Variants in ABCA6 observed in about 807,000 individuals in gnomAD.
The protein encoded by ABCA6 is ATP-binding cassette sub-family A member 6.
In ABCA6, 164 loss-of-function variants were observed where a neutral mutation model predicts 191.2. The ratio of observed to expected loss-of-function variants is 0.86; its 90% CI spans 0.76 to 0.98. ABCA6 has a LOEUF of 0.98. Ranked by LOEUF, ABCA6 falls within the 50% of genes least tolerant of loss-of-function variation. ABCA6 has a pLI of 0.00. For synonymous variants in ABCA6, 636 were observed against 647.7 expected, an observed-to-expected ratio of 0.98 and a Z score of 0.27; for missense variants, 1,958 against 1,894.1, an observed-to-expected ratio of 1.03 and a Z score of -0.63.
rs775483002 is a variant in ABCA6, at chr17:69,113,600, A to G, written c.1902+18T>C. 46 of 1,612,520 alleles carry G rather than the reference A, an allele frequency of 2.9e-5. No homozygotes were observed. The highest frequency in any genetic ancestry group is 1.8e-5 in the Non-Finnish European group (21 of 1,179,150). Reference sequence around the variant, plus strand: ...AGACATTCGACCTGCTTCCTTCCCCATGCATAATCTCACTTACTTGAGGAT... The same window carrying G: ...AGACATTCGACCTGCTTCCTTCCCCGTGCATAATCTCACTTACTTGAGGAT... On this transcript the variant is annotated intron_variant, in intron 14 of 38. Coordinates refer to ENST00000284425, the MANE Select transcript of ABCA6 (RefSeq NM_080284.3).
At chr17:69,103,817 G>C (rs2286419) in intron 20 of ABCA6, 4 of 151,974 alleles carry the variant, frequency 2.6e-5, no homozygotes, top group Admixed American at 6.6e-5. Flanking sequence ...TTTACTTACT[G>C]AGAGACCTTA....
intron 6 of ABCA6, among the ~76,000 whole-genome samples, chr17:69,133,252 C>A (rs2144715488): frequency 6.6e-6 from 1 of 152,306 alleles, no homozygotes. Flanking sequence ...CTGGAGAAAT[C>A]AACTGTTAAC....
intron 10 of ABCA6, among the ~76,000 whole-genome samples, chr17:69,121,926 C>T (rs2073654637): frequency 6.6e-6 from 1 of 151,892 alleles, no homozygotes; most frequent in African/African-American, 2.4e-5. Flanking sequence ...CGCTGTTGCC[C>T]CTCTCAGAAA....
intron 21 of ABCA6, 24 bp from the exon 22 acceptor site, chr17:69,100,958 A>T (rs1240851604): frequency 1.9e-6 from 3 of 1,544,496 alleles, no homozygotes; most frequent in Admixed American, 3.7e-5. Flanking sequence ...CAAATAAATA[A>T]TGTTAATGCT....
At chr17:69,089,564 C>T (rs781757967) in intron 26 of ABCA6, 22 bp from the exon 27 acceptor site, 1 of 1,562,104 alleles carries the variant, frequency 6.4e-7, no homozygotes, top group Non-Finnish European at 8.8e-7. Flanking sequence ...AAACAAAACA[C>T]ACACACACTA....
chr17:69,123,000 C>A lies in ABCA6; in HGVS notation c.1436+239G>T, dbSNP rs1216633788. Among the ~76,000 whole-genome samples, 3 of 140,220 alleles carry A rather than the reference C, an allele frequency of 2.1e-5. No individual in the cohort carries two copies. In the South Asian group the frequency reaches 7.0e-4, roughly 33 times the overall value. 92.0% of individuals were successfully genotyped at this position (140,220 alleles called of 152,430 possible). On this transcript the variant is annotated intron_variant, in intron 10 of 38. Coordinates refer to ENST00000284425, the MANE Select transcript of ABCA6 (RefSeq NM_080284.3). ...GACACAGGAAGGGGAACATCACACACCAGGGACTGTTCTGGGGTAGGGGGA... is the reference window on the plus strand; with the variant it reads ...GACACAGGAAGGGGAACATCACACAACAGGGACTGTTCTGGGGTAGGGGGA...
At chr17:69,102,670 A>C (rs1158778789) in intron 21 of ABCA6, among the ~76,000 whole-genome samples, 165 bp downstream of exon 21, 1 of 152,202 alleles carries the variant, frequency 6.6e-6, no homozygotes, top group Non-Finnish European at 1.5e-5. Context: ...CTAAGATAGA[A>C]AATGTTTTAC....
chr17:69,097,373 A>C (rs963195715), intron 23 of ABCA6, among the ~76,000 whole-genome samples: 1 of 150,430 alleles, frequency 6.6e-6, no homozygotes, highest in Non-Finnish European at 1.5e-5. Context: ...CCTGGGCAAC[A>C]GAGTGAGACT....
intron 27 of ABCA6, 75 bp from the exon 28 acceptor site, chr17:69,088,333 G>A (rs1257249810): frequency 5.9e-6 from 7 of 1,195,378 alleles, no homozygotes; most frequent in Middle Eastern, 2.4e-4. Context: ...TTAAGTTGGT[G>A]GTGTTTTGTC....
chr17:69,088,829 T>C (rs927555986), intron 27 of ABCA6, among the ~76,000 whole-genome samples: 1 of 152,198 alleles, frequency 6.6e-6, no homozygotes, highest in Non-Finnish European at 1.5e-5. Context: ...TATCACTCTC[T>C]TCCTTGGTCA....
intron 13 of ABCA6, among the ~76,000 whole-genome samples, chr17:69,114,176 A>G (rs1029173672): frequency 2.0e-5 from 3 of 152,160 alleles, no homozygotes; most frequent in Admixed American, 6.5e-5. Flanking sequence ...ATGTCCAACA[A>G]TGATAGACTG....
intron 30 of ABCA6, among the ~76,000 whole-genome samples, 170 bp downstream of exon 30, chr17:69,086,448 T>C (rs903333981): frequency 6.7e-6 from 1 of 148,852 alleles, no homozygotes; most frequent in East Asian, 2.1e-4. Flanking sequence ...GGCTTCATAA[T>C]TGTATTTCCA....
chr17:69,126,722 C>G (rs903805692), intron 8 of ABCA6, among the ~76,000 whole-genome samples: 1 of 152,002 alleles, frequency 6.6e-6, no homozygotes, highest in African/African-American at 2.4e-5. Context: ...ATATTATGTT[C>G]ATGGCTGAAA....
Position 69,105,570 on chromosome 17 carries a change from T to G in ABCA6, c.2632A>C (p.Met878Leu). 1 of 1,572,510 alleles carries G rather than the reference T, an allele frequency of 6.4e-7. No homozygotes were observed. Among genetic ancestry groups the G allele is most frequent in the African/African-American group, 1.3e-5 (1 of 74,616 alleles). ...TCCCAATCGATCTTTTCATTTAACA[T>G]AGCATACATTATATTTTCAACAATC... ...PLIVENIMYA[M>L]LNEKIDWEFK... is the part of the protein sequence containing the mutation. Residue 878 changes from methionine to leucine, a missense_variant, in exon 20 of 39, where the codon ATG becomes CTG. Coordinates refer to ENST00000284425, the MANE Select transcript of ABCA6 (RefSeq NM_080284.3).
In ABCA6 at chr17:69,140,878, C is replaced by T. The variant is rs1598073473; in HGVS notation, c.-45-130G>A. ...AATTTATGACTGTAAAATTTCACCT[C>T]AAATATTTCACCTTAAGCTTTTTAG... On this transcript the variant is annotated intron_variant, in intron 1 of 38. Coordinates refer to ENST00000284425, the MANE Select transcript of ABCA6 (RefSeq NM_080284.3). The T allele has an allele frequency of 2.0e-5, 8 of 391,804 alleles. No homozygotes were observed. In the East Asian group the frequency reaches 3.1e-4, roughly 15 times the overall value. The allele number at this position is 391,804 out of a possible 1,614,324, so 24.3% of individuals were successfully genotyped here. A position where few individuals can be genotyped will look rare whatever the true frequency, so the allele number is the denominator to read the frequency against.
At chr17:69,138,449 T>C (rs1341655189) in intron 2 of ABCA6, among the ~76,000 whole-genome samples, 3 of 152,182 alleles carry the variant, frequency 2.0e-5, no homozygotes, top group Non-Finnish European at 2.9e-5. Context: ...GGGAATTCAC[T>C]CATGATTTGG....
At chr17:69,098,073 G>T in intron 22 of ABCA6, 46 bp from the exon 23 acceptor site, 4 of 1,362,938 alleles carry the variant, frequency 2.9e-6, no homozygotes, top group Non-Finnish European at 4.0e-6. Context: ...TTTGTTAAAT[G>T]AAACAAATAA....
At position 69,082,218 on chromosome 17, in the gene ABCA6, A is replaced by T. The variant is rs561270074; in HGVS notation, c.4616+655T>A. Reference sequence around the variant, plus strand: ...CATTTACACTGTGCTAAAATAAAATAGTAGCTTTTATGTCCTATTTTTTGA... The same window carrying T: ...CATTTACACTGTGCTAAAATAAAATTGTAGCTTTTATGTCCTATTTTTTGA... On this transcript the variant is annotated intron_variant, in intron 36 of 38. Coordinates refer to ENST00000284425, the MANE Select transcript of ABCA6 (RefSeq NM_080284.3). Among the ~76,000 whole-genome samples, 210 of 152,290 alleles carry T rather than the reference A, an allele frequency of 1.4e-3. No homozygotes were observed. In the Middle Eastern group the frequency reaches 0.02, roughly 15 times the overall value.
At position 69,109,198 on chromosome 17, in the gene ABCA6, A is replaced by G. The variant is rs138373709; in HGVS notation, c.2273-1386T>C. 2.3e-3 allele frequency: 272 copies of G among 118,166 alleles called. 2 individuals are homozygous for G. Among genetic ancestry groups the G allele is most frequent in the African/African-American group, 0.013 (257 of 19,762 alleles). The allele number at this position is 118,166 out of a possible 1,614,324, so 7.3% of individuals were successfully genotyped here. Reference sequence around the variant, plus strand: ...CTATAGGGAGTTATACCTTTAACAAACTAGATGTTTAAACCAAAGGGAAGC... The same window carrying G: ...CTATAGGGAGTTATACCTTTAACAAGCTAGATGTTTAAACCAAAGGGAAGC... On this transcript the variant is annotated intron_variant, in intron 17 of 38. Transcript: ENST00000284425.
Sources: allele counts gnomAD v4.1 joint callset (sites outside exome capture counted in the v4.1 genomes callset), GRCh38; gene constraint gnomAD v4.1.1; transcripts MANE v1.5; gene names NCBI Gene and HGNC (gene_info 2026-07-23, HGNC 2026-07-21).